The following USP3 variants were observed in gnomAD, a reference collection of about 807,000 sequenced individuals.
The protein encoded by USP3 is ubiquitin carboxyl-terminal hydrolase 3.
Under a neutral mutation model 72.3 loss-of-function variants are expected in USP3, and 20 were observed. That is an observed-to-expected ratio of 0.28 (90% CI 0.19 to 0.40). The LOEUF (loss-of-function observed/expected upper bound fraction) is 0.40, where lower values mean the gene tolerates loss of function less well. Ranked by LOEUF, USP3 falls within the 10% of genes least tolerant of loss-of-function variation. USP3 has a pLI of 1.00. For missense variants in USP3, 479 were observed against 633.9 expected (o/e 0.76, Z 2.62); for synonymous variants, 222 against 225.3 (o/e 0.99, Z 0.13).
At chr15:63,538,854 A>G (rs1219404360) in intron 3 of USP3, among the ~76,000 whole-genome samples, 4 of 152,130 alleles carry the variant, frequency 2.6e-5, no homozygotes, top group African/African-American at 9.7e-5. Context: ...AATTTTGGCT[A>G]TTGAATAGAC....
At chr15:63,537,772 G>C (rs752727607) in intron 3 of USP3, among the ~76,000 whole-genome samples, 1 of 152,070 alleles carries the variant, frequency 6.6e-6, no homozygotes. Flanking sequence ...CTCAATGTCT[G>C]CCTCCCGGGT....
At chr15:63,557,158 C>A (rs2066524792) in intron 5 of USP3, among the ~76,000 whole-genome samples, 1 of 152,244 alleles carries the variant, frequency 6.6e-6, no homozygotes, top group Non-Finnish European at 1.5e-5. Flanking sequence ...GGAACCTCTG[C>A]CTCCCAGGCT....
chr15:63,580,067 A>C (rs2066927961), intron 11 of USP3, among the ~76,000 whole-genome samples: 1 of 152,192 alleles, frequency 6.6e-6, no homozygotes, highest in Admixed American at 6.5e-5. Context: ...TTGTTATTGA[A>C]AAAAATCAAA....
chr15:63,550,449 G>A (rs1002140881), intron 3 of USP3, among the ~76,000 whole-genome samples: 1 of 152,186 alleles, frequency 6.6e-6, no homozygotes, highest in Non-Finnish European at 1.5e-5. Flanking sequence ...CTGTCTTGCT[G>A]GAAACTGACT....
intron 9 of USP3, among the ~76,000 whole-genome samples, chr15:63,572,669 G>GTT (rs1410893830): frequency 5.3e-5 from 8 of 152,112 alleles, no homozygotes; most frequent in Non-Finnish European, 7.3e-5. Context: ...AACTTAAAGT[G>GTT]GCCTAGAAAA....
chr15:63,511,415 A>T (rs909837571), intron 1 of USP3, among the ~76,000 whole-genome samples: 1 of 152,114 alleles, frequency 6.6e-6, no homozygotes, highest in Non-Finnish European at 1.5e-5. Context: ...CACATCTCAA[A>T]AATTACTTAT....
intron 8 of USP3, among the ~76,000 whole-genome samples, chr15:63,566,832 G>A (rs2066698930): frequency 6.6e-6 from 1 of 152,080 alleles, no homozygotes; most frequent in Non-Finnish European, 1.5e-5. Flanking sequence ...CATGATTGTT[G>A]CCAAATACTG....
rs192417000 is a variant in USP3 at position 63,519,014 on chromosome 15, C to T, written c.92-13633C>T. Among the ~76,000 whole-genome samples, 141 of 152,310 alleles carry T rather than the reference C, an allele frequency of 9.3e-4. 1 individual carries two copies. The highest frequency in any genetic ancestry group is 3.4e-3 in the African/African-American group (140 of 41,564). ...TCTCTTGACCTCATGATCTGCCCGC[C>T]TCAGCATCCCAAAGTGCTGGGATTA... On this transcript the variant is annotated intron_variant, in intron 1 of 14. Coordinates refer to ENST00000380324, the MANE Select transcript of USP3 (RefSeq NM_006537.4).
intron 2 of USP3, among the ~76,000 whole-genome samples, chr15:63,533,329 T>G (rs2066106564): frequency 6.6e-6 from 1 of 152,172 alleles, no homozygotes. Context: ...AAATACTACT[T>G]TCTATGGACA....
rs567514239 is a variant in USP3 at position 63,511,450 on chromosome 15, C to T, written c.91+6620C>T. ...TTTTAAAATTTGGTCTTTTGTTACC[C>T]CCCTCACCCAATTTAATATTGAAAG... On this transcript the variant is annotated intron_variant, in intron 1 of 14. Coordinates refer to ENST00000380324, the MANE Select transcript of USP3 (RefSeq NM_006537.4). Among the ~76,000 whole-genome samples, 18 of 151,956 alleles carry T rather than the reference C, an allele frequency of 1.2e-4. No individual in the cohort carries two copies. The South Asian group carries it at 2.9e-3, about 25-fold the overall frequency.
Position 63,504,781 on chromosome 15 carries a change from G to A in USP3, c.42G>A (p.Pro14=), listed in dbSNP as rs762274861. The change falls in exon 1 of 15, where the codon CCG becomes CCA. Residue 14 remains proline, a synonymous_variant. Transcript: ENST00000380324. The stretch of plus-strand genomic sequence containing the variant: ...TGAGCTCCAGCGTCTGCATTGCTCC[G>A]GACTCAGCCAAGTTCCCCAACGGCT... The part of the protein sequence containing the change: ...PHLSSSVCIA[P]DSAKFPNGSP... The A allele has an allele frequency of 1.2e-6, 2 of 1,611,392 alleles. No homozygotes were observed. Among genetic ancestry groups the A allele is most frequent in the Admixed American group, 1.7e-5 (1 of 59,862 alleles).
At chr15:63,566,894 A>G (rs2066699699) in intron 8 of USP3, among the ~76,000 whole-genome samples, 1 of 152,212 alleles carries the variant, frequency 6.6e-6, no homozygotes, top group African/African-American at 2.4e-5. Context: ...TGGCCAAAAC[A>G]ACAACTTTAG....
Position 63,544,712 on chromosome 15 carries a change from A to T in USP3, c.284+7556A>T, listed in dbSNP as rs1454282664. On this transcript the variant is annotated intron_variant, in intron 3 of 14. Coordinates refer to ENST00000380324, the MANE Select transcript of USP3 (RefSeq NM_006537.4). The surrounding 1 kb of genome is among the most constrained non-coding windows in gnomAD (Gnocchi z 4.2). ...CCATTAAATAAGTGAATAGTGCGAAATGGAAAATACCGAGGGGTAAGAGAG... is the reference window on the plus strand; with the variant it reads ...CCATTAAATAAGTGAATAGTGCGAATTGGAAAATACCGAGGGGTAAGAGAG... 2 of 702,140 alleles carry T rather than the reference A, an allele frequency of 2.8e-6. No individual in the cohort carries two copies. Among genetic ancestry groups the T allele is most frequent in the Non-Finnish European group, 5.2e-6 (2 of 384,736 alleles). The allele number at this position is 702,140 out of a possible 1,614,324, so 43.5% of individuals were successfully genotyped here.
At chr15:63,579,921 G>C (rs893750533) in intron 11 of USP3, among the ~76,000 whole-genome samples, 3 of 152,176 alleles carry the variant, frequency 2.0e-5, no homozygotes, top group Non-Finnish European at 4.4e-5. Context: ...GAGGACACTC[G>C]TGTTGTTGTT....
chr15:63,557,072 C>T lies in USP3; in HGVS notation c.450+324C>T, dbSNP rs147096507. ...TTAAGACTAAGTCTTTAGCTTCAGG[C>T]GGCTTTTCCTTTTTTTGAGATGGAG... is the stretch of plus-strand genomic sequence containing the variant. On this transcript the variant is annotated intron_variant, in intron 5 of 14. Transcript: ENST00000380324. 382 of 174,672 alleles carry T rather than the reference C, an allele frequency of 2.2e-3. 2 individuals carry two copies. The highest frequency in any genetic ancestry group is 8.2e-3 in the African/African-American group (346 of 42,082). The allele number at this position is 174,672 out of a possible 1,614,324, so 10.8% of individuals were successfully genotyped here. A position where few individuals can be genotyped will look rare whatever the true frequency, so the allele number is the denominator to read the frequency against.
At chr15:63,563,108 T>C in intron 8 of USP3, 100 bp downstream of exon 8, 1 of 808,928 alleles carries the variant, frequency 1.2e-6, no homozygotes, top group Non-Finnish European at 1.8e-6. Context: ...ATATTCTAAA[T>C]ACTTAAGACT....
intron 11 of USP3, among the ~76,000 whole-genome samples, chr15:63,585,508 A>G (rs1051990232): frequency 1.3e-5 from 2 of 152,194 alleles, no homozygotes; most frequent in African/African-American, 4.8e-5. Context: ...GGAAATACCT[A>G]ACAATGAATA....
rs139500714 is a variant in USP3 at position 63,580,933 on chromosome 15, C to T, written c.1096+6530C>T. Among the ~76,000 whole-genome samples the T allele has an allele frequency of 1.8e-3, 279 of 151,748 alleles. 3 individuals are homozygous for T. The East Asian group carries it at 0.023, about 13-fold the overall frequency. ...AAGCGATTCTCCTGCCTCAGCCTCCCGAGTAGCTGGGATTGCAGGCACGAG... is the reference window on the plus strand; with the variant it reads ...AAGCGATTCTCCTGCCTCAGCCTCCTGAGTAGCTGGGATTGCAGGCACGAG... On this transcript the variant is annotated intron_variant, in intron 11 of 14. Transcript: ENST00000380324.
At position 63,530,436 on chromosome 15, in the gene USP3, C is replaced by CCACGTGGCTGAGACTGTAGG. The variant is rs1249317605; in HGVS notation, c.92-2204_92-2185dup. ...ACCTTCCTGGGCTCAATTGATCCTCCCACGTGGCTGAGACTGTAGGCACGT... is the reference window on the plus strand; with the variant it reads ...ACCTTCCTGGGCTCAATTGATCCTCCCACGTGGCTGAGACTGTAGGCACGTGGCTGAGACTGTAGGCACGT... On this transcript the variant is annotated intron_variant, in intron 1 of 14. Transcript: ENST00000380324. 20 of 292,272 alleles carry CCACGTGGCTGAGACTGTAGG rather than the reference C, an allele frequency of 6.8e-5. No homozygotes were observed. In the East Asian group the frequency reaches 1.4e-3, roughly 21 times the overall value. The allele number at this position is 292,272 out of a possible 1,614,324, so 18.1% of individuals were successfully genotyped here.
Sources: allele counts gnomAD v4.1 joint callset (sites outside exome capture counted in the v4.1 genomes callset), GRCh38; gene constraint gnomAD v4.1.1; non-coding constraint Gnocchi (gnomAD v3.1); transcripts MANE v1.5; gene names NCBI Gene and HGNC (gene_info 2026-07-23, HGNC 2026-07-21).